Variants in RORA observed in about 807,000 individuals in gnomAD.
RORA encodes the protein RAR related orphan receptor A, also known as nuclear receptor ROR-alpha.
In RORA, 7 loss-of-function variants were observed where a neutral mutation model predicts 69.5. The observed-to-expected ratio is 0.10, with a 90% CI of 0.06 to 0.19. The LOEUF is 0.19. Among genes scored for constraint, RORA ranks in the 10% least tolerant of loss-of-function variants. The pLI, the probability that RORA is intolerant of heterozygous loss-of-function variation, is 1.00. For missense variants in RORA, 457 were observed against 663.0 expected (o/e 0.69, Z 3.41); for synonymous variants, 261 against 240.8 (o/e 1.08, Z -0.78).
At chr15:61,129,549 G>A (rs1815098794) in intron 1 of RORA, among the ~76,000 whole-genome samples, 1 of 152,122 alleles carries the variant, frequency 6.6e-6, no homozygotes, top group African/African-American at 2.4e-5. Flanking sequence ...CACTGTGAAT[G>A]TACTTAAAGC....
chr15:60,846,002 C>T (rs1157927987), intron 1 of RORA, among the ~76,000 whole-genome samples: 6 of 152,182 alleles, frequency 3.9e-5, no homozygotes, highest in Non-Finnish European at 8.8e-5. Context: ...CCCTCGGGCT[C>T]CCAAAGTGCT....
At chr15:61,028,362 AAACG>A (rs899207306) in intron 1 of RORA, among the ~76,000 whole-genome samples, 1 of 152,184 alleles carries the variant, frequency 6.6e-6, no homozygotes, top group Admixed American at 6.6e-5. Flanking sequence ...AAATTCATAC[AAACG>A]GTCTAGATAA....
rs113209850 is a variant in RORA at position 61,050,720 on chromosome 15, G to A, written c.166+178333C>T. Among the ~76,000 whole-genome samples the A allele has an allele frequency of 1.6e-3, 243 of 152,298 alleles. 1 individual carries two copies. The highest frequency in any genetic ancestry group is 2.3e-3 in the Non-Finnish European group (158 of 68,020). On this transcript the variant is annotated intron_variant, in intron 1 of 10. Coordinates refer to ENST00000335670, the MANE Select transcript of RORA (RefSeq NM_134261.3). ...TGTGATACCTTCTCCTGCGATAAGA[G>A]TAAGACCTGCTTTATTGAGCACTTA...
chr15:60,708,667 T>TCC (rs1253315481), intron 1 of RORA, among the ~76,000 whole-genome samples: 1 of 152,086 alleles, frequency 6.6e-6, no homozygotes, highest in Non-Finnish European at 1.5e-5. Context: ...CATCTTCCCC[T>TCC]CCCTCCCAAG....
chr15:60,840,841 C>T (rs2073187618), intron 1 of RORA, among the ~76,000 whole-genome samples: 5 of 152,196 alleles, frequency 3.3e-5, no homozygotes, highest in African/African-American at 9.7e-5. Flanking sequence ...CTGCCTGGCA[C>T]TGTGGCAACT....
At chr15:61,208,999 T>C (rs1236883068) in intron 1 of RORA, among the ~76,000 whole-genome samples, 1 of 152,304 alleles carries the variant, frequency 6.6e-6, no homozygotes, top group East Asian at 1.9e-4. Context: ...GTCTTCTCAG[T>C]ATTTGTTTTT....
In RORA at chr15:60,511,085, G is replaced by T; in HGVS notation, c.820+141C>A. 6 of 871,694 alleles carry T rather than the reference G, an allele frequency of 6.9e-6. No individual in the cohort carries two copies. The highest frequency in any genetic ancestry group is 1.8e-5 in the South Asian group (1 of 55,692). 54.0% of individuals were successfully genotyped at this position (871,694 alleles called of 1,614,324 possible). On this transcript the variant is annotated intron_variant, in intron 5 of 10. Coordinates refer to ENST00000335670, the MANE Select transcript of RORA (RefSeq NM_134261.3). The surrounding 1 kb of genome is among the most constrained non-coding windows in gnomAD (Gnocchi z 6.4). ...ACAGCAGAGGGTCAAAAGCAAGGGG[G>T]CAGGGCAGAAAATTAAGTGGCCCAA...
intron 2 of RORA, among the ~76,000 whole-genome samples, chr15:60,546,749 A>G (rs1170127253): frequency 6.6e-6 from 1 of 152,196 alleles, no homozygotes; most frequent in African/African-American, 2.4e-5. Context: ...GAAACAGGGA[A>G]TTCTGTGTGA....
chr15:60,913,239 C>G (rs1891779623), intron 1 of RORA, among the ~76,000 whole-genome samples: 2 of 152,048 alleles, frequency 1.3e-5, no homozygotes, highest in African/African-American at 4.8e-5. Context: ...AGGGAGGGGC[C>G]CTTGGTGTGG....
intron 1 of RORA, among the ~76,000 whole-genome samples, chr15:61,006,083 C>T (rs1436429981): frequency 2.6e-5 from 4 of 152,110 alleles, no homozygotes; most frequent in Admixed American, 2.6e-4. Flanking sequence ...GTTCTCCTGC[C>T]TCAGCTTCCC....
chr15:60,804,555 T>G (rs902096714), intron 1 of RORA, among the ~76,000 whole-genome samples: 1 of 152,178 alleles, frequency 6.6e-6, no homozygotes, highest in African/African-American at 2.4e-5. Flanking sequence ...AGTGCTGAAA[T>G]GAGCAAGTTC....
chr15:61,103,121 C>T (rs942808762), intron 1 of RORA, among the ~76,000 whole-genome samples: 2 of 152,128 alleles, frequency 1.3e-5, no homozygotes, highest in Non-Finnish European at 2.9e-5. Context: ...GTAACTCAAG[C>T]GCAGTGTGCT....
intron 1 of RORA, among the ~76,000 whole-genome samples, chr15:61,040,323 G>T (rs1896697253): frequency 6.6e-6 from 1 of 151,268 alleles, no homozygotes; most frequent in Non-Finnish European, 1.5e-5. Context: ...GTTCAGGCTT[G>T]AGCTAAAACT....
At chr15:60,520,025 C>T (rs2066110345) in intron 3 of RORA, 1 of 152,070 alleles carries the variant, frequency 6.6e-6, no homozygotes, top group Admixed American at 6.6e-5. Context: ...AGAGGATTAC[C>T]CTTATTTGGA....
At chr15:61,050,569 T>TG (rs1411597340) in intron 1 of RORA, among the ~76,000 whole-genome samples, 3 of 152,092 alleles carry the variant, frequency 2.0e-5, no homozygotes, top group Admixed American at 6.5e-5. Context: ...CACAAACAAC[T>TG]GGGGGGCAAG....
At chr15:60,649,820 GA>G (rs1175192994) in intron 2 of RORA, among the ~76,000 whole-genome samples, 1 of 152,056 alleles carries the variant, frequency 6.6e-6, no homozygotes, top group African/African-American at 2.4e-5. Flanking sequence ...AAAAGCAATC[GA>G]ATAGCAAACT....
intron 1 of RORA, among the ~76,000 whole-genome samples, chr15:60,955,549 G>C (rs1179061150): frequency 6.6e-6 from 1 of 152,128 alleles, no homozygotes; most frequent in African/African-American, 2.4e-5. Context: ...GGTTCTAAAT[G>C]CAATACAAAT....
intron 2 of RORA, among the ~76,000 whole-genome samples, chr15:60,641,517 C>T (rs984157825): frequency 1.3e-5 from 2 of 152,156 alleles, no homozygotes; most frequent in African/African-American, 4.8e-5. Context: ...TCAAGTGATT[C>T]TCCTGCCTCA....
chr15:60,840,719 C>T (rs1412675025), intron 1 of RORA, among the ~76,000 whole-genome samples: 1 of 152,238 alleles, frequency 6.6e-6, no homozygotes, highest in African/African-American at 2.4e-5. Flanking sequence ...CCCAGCCTCT[C>T]TGGACATCCC....
Sources: gnomAD v4.1 joint callset for allele counts (sites outside exome capture counted in the v4.1 genomes callset) on GRCh38, gnomAD v4.1.1 for gene constraint, Gnocchi (gnomAD v3.1) non-coding constraint, MANE v1.5 for transcripts, NCBI Gene and HGNC (gene_info 2026-07-23, HGNC 2026-07-21) for gene names.